NRXN1: variants seen among roughly 807,000 people sequenced by gnomAD.
NRXN1 encodes neurexin 1, also known as neurexin-1.
In NRXN1, 39 loss-of-function variants were observed where a neutral mutation model predicts 150.9. That is an observed-to-expected ratio of 0.26 (90% CI 0.20 to 0.34). The LOEUF (loss-of-function observed/expected upper bound fraction) is 0.34. Among genes scored for constraint, NRXN1 ranks in the 10% least tolerant of loss-of-function variants. The pLI is 1.00. For missense variants in NRXN1, 1,815 were observed against 1,949.9 expected (o/e 0.93, Z 1.30); for synonymous variants, 924 against 757.0 (o/e 1.22, Z -3.62).
intron 17 of NRXN1, among the ~76,000 whole-genome samples, chr2:50,242,702 A>G (rs1269774612): frequency 6.6e-6 from 1 of 151,790 alleles, no homozygotes; most frequent in Non-Finnish European, 1.5e-5. Flanking sequence ...TAAGGGTGCA[A>G]AGACAAAGAT....
intron 5 of NRXN1, among the ~76,000 whole-genome samples, chr2:50,900,573 C>T (rs1371929849): frequency 6.6e-6 from 1 of 152,076 alleles, no homozygotes; most frequent in African/African-American, 2.4e-5. Context: ...ACAAGTATGG[C>T]TTACTCAAGA....
intron 18 of NRXN1, among the ~76,000 whole-genome samples, chr2:50,126,126 T>C (rs956142669): frequency 6.6e-6 from 1 of 152,110 alleles, no homozygotes; most frequent in Admixed American, 6.6e-5. Flanking sequence ...ATGCTGCCAC[T>C]AGGCAGGATT....
rs140879004 is a variant in NRXN1 at position 50,559,947 on chromosome 2, C to T, written c.1321-6922G>A. ...AATTTTAGCACATATAAAGTTGGTG[C>T]TTTCCACAAAAAACAACTGTAGCCT... On this transcript the variant is annotated intron_variant, in intron 8 of 22. Transcript: ENST00000401669. 4.7e-3 allele frequency among the ~76,000 whole-genome samples: 710 copies of T among 152,214 alleles called. 6 individuals are homozygous for T. Among genetic ancestry groups the T allele is most frequent in the African/African-American group, 8.4e-3 (348 of 41,540 alleles).
chr2:50,779,592 C>T (rs1355682988), intron 5 of NRXN1, among the ~76,000 whole-genome samples: 1 of 151,970 alleles, frequency 6.6e-6, no homozygotes, highest in African/African-American at 2.4e-5. Flanking sequence ...CATGGTGAAA[C>T]CCCATCTCTA....
At chr2:50,519,237 C>A (rs547271151) in intron 12 of NRXN1, among the ~76,000 whole-genome samples, 1 of 151,980 alleles carries the variant, frequency 6.6e-6, no homozygotes, top group East Asian at 1.9e-4. Flanking sequence ...ATTAGCTAAA[C>A]CCTTCTTTAT....
At chr2:49,964,879 G>A (rs991137684) in intron 21 of NRXN1, among the ~76,000 whole-genome samples, 1 of 152,058 alleles carries the variant, frequency 6.6e-6, no homozygotes, top group Admixed American at 6.6e-5. Context: ...AATGATAAAT[G>A]TAAAAGTTCT....
intron 18 of NRXN1, chr2:50,175,203 A>C (rs2060278563): frequency 6.6e-6 from 1 of 152,174 alleles, no homozygotes; most frequent in Admixed American, 6.6e-5. Context: ...GGCCATCCTG[A>C]TAAGAACCCC....
chr2:50,372,847 AT>A (rs1255130235), intron 17 of NRXN1, among the ~76,000 whole-genome samples: 1 of 152,130 alleles, frequency 6.6e-6, no homozygotes, highest in Admixed American at 6.6e-5. Context: ...TAGAAGCAAC[AT>A]TGATCCTACC....
At chr2:50,275,987 C>CAA (rs34672241) in intron 17 of NRXN1, among the ~76,000 whole-genome samples, 2,909 of 127,526 alleles carry the variant, frequency 0.023, 64 homozygotes, top group Middle Eastern at 0.05. Flanking sequence ...TCCTACCTTG[C>CAA]AAAAAAAAAA....
chr2:50,737,726 C>T (rs1229703704), intron 5 of NRXN1, among the ~76,000 whole-genome samples: 1 of 151,982 alleles, frequency 6.6e-6, no homozygotes, highest in Non-Finnish European at 1.5e-5. Context: ...TAAAACTTTG[C>T]AATTTTTAAA....
chr2:50,567,037 CTCTT>C (rs892290472), intron 8 of NRXN1, among the ~76,000 whole-genome samples: 234 of 152,294 alleles, frequency 1.5e-3, no homozygotes, highest in African/African-American at 5.1e-3. Context: ...TCATCCTACT[CTCTT>C]TCTCTCTTGA....
chr2:50,800,235 G>A (rs577673862), intron 5 of NRXN1, among the ~76,000 whole-genome samples: 2 of 152,244 alleles, frequency 1.3e-5, no homozygotes, highest in African/African-American at 4.8e-5. Context: ...TGATTTGTCA[G>A]GAAATCTCTG....
At chr2:50,271,376 A>G (rs188644718) in intron 17 of NRXN1, among the ~76,000 whole-genome samples, 256 of 152,356 alleles carry the variant, frequency 1.7e-3, no homozygotes, top group African/African-American at 5.5e-3. Flanking sequence ...GATAATTGTC[A>G]TATTCCTCTC....
intron 5 of NRXN1, among the ~76,000 whole-genome samples, chr2:50,895,806 C>T (rs527515346): frequency 3.3e-5 from 5 of 152,136 alleles, no homozygotes; most frequent in African/African-American, 1.2e-4. Context: ...TCCCAAACTC[C>T]TGATCTCAAG....
chr2:50,451,232 G>C (rs903288886), intron 17 of NRXN1, among the ~76,000 whole-genome samples: 27 of 152,172 alleles, frequency 1.8e-4, no homozygotes, highest in African/African-American at 6.3e-4. Context: ...GCCTCCTAAA[G>C]TGCTGGTATT....
At chr2:50,521,356 G>A (rs958045448) in intron 12 of NRXN1, among the ~76,000 whole-genome samples, 2 of 152,136 alleles carry the variant, frequency 1.3e-5, no homozygotes, top group Non-Finnish European at 2.9e-5. Context: ...CAGTTGGAGA[G>A]TGAAGAATTT....
At chr2:50,591,413 T>C (rs1441882425) in intron 8 of NRXN1, among the ~76,000 whole-genome samples, 2 of 146,854 alleles carry the variant, frequency 1.4e-5, no homozygotes, top group Non-Finnish European at 1.5e-5. Flanking sequence ...GATAGATAGA[T>C]AGATAGATAG....
At chr2:49,934,120 TGA>T (rs1670604814) in intron 22 of NRXN1, among the ~76,000 whole-genome samples, 1 of 152,242 alleles carries the variant, frequency 6.6e-6, no homozygotes, top group Non-Finnish European at 1.5e-5. Flanking sequence ...AATTTTATTA[TGA>T]TATTTTATGT....
intron 5 of NRXN1, among the ~76,000 whole-genome samples, chr2:50,779,681 T>C (rs2105506005): frequency 6.6e-6 from 1 of 152,120 alleles, no homozygotes; most frequent in South Asian, 2.1e-4. Flanking sequence ...GGCAGGAGAA[T>C]GGCGTGAACC....
Sources: gnomAD v4.1 joint callset for allele counts (sites outside exome capture counted in the v4.1 genomes callset) on GRCh38, gnomAD v4.1.1 for gene constraint, MANE v1.5 for transcripts, NCBI Gene and HGNC (gene_info 2026-07-23, HGNC 2026-07-21) for gene names.